The following CSMD1 variants were observed in gnomAD, a reference collection of about 807,000 sequenced individuals.
The protein encoded by CSMD1 is CUB and Sushi multiple domains 1, also known as CUB and sushi domain-containing protein 1.
In CSMD1, 213 loss-of-function variants were observed where a neutral mutation model predicts 417.5. That is an observed-to-expected ratio of 0.51 (90% CI 0.46 to 0.57). The LOEUF is 0.57. Ranked by LOEUF, CSMD1 falls within the 20% of genes least tolerant of loss-of-function variation. The pLI, the probability that CSMD1 is intolerant of heterozygous loss-of-function variation, is 0.00. For missense variants in CSMD1, 6,923 were observed against 4,529.7 expected (o/e 1.53, Z -15.17); for synonymous variants, 2,862 against 1,736.8 (o/e 1.65, Z -16.11).
At chr8:3,494,276 G>A (rs10103966) in intron 10 of CSMD1, among the ~76,000 whole-genome samples, 1 of 152,012 alleles carries the variant, frequency 6.6e-6, no homozygotes, top group Non-Finnish European at 1.5e-5. Flanking sequence ...GTCATGATGA[G>A]CAGCACCAAG....
At chr8:4,286,775 G>A (rs1344541087) in intron 3 of CSMD1, among the ~76,000 whole-genome samples, 2 of 152,078 alleles carry the variant, frequency 1.3e-5, no homozygotes, top group Non-Finnish European at 2.9e-5. Context: ...CTTTCCCATC[G>A]CCTGTTTGGC....
intron 2 of CSMD1, among the ~76,000 whole-genome samples, chr8:4,565,741 AATATATACATATATATATATATAT>A (rs1798568073): frequency 8.9e-6 from 1 of 112,480 alleles, no homozygotes; most frequent in African/African-American, 3.6e-5. Context: ...CCTTAAAAAA[AATATATACATATATATATATATAT>A]ATATATATAT....
intron 26 of CSMD1, among the ~76,000 whole-genome samples, chr8:3,277,326 G>A (rs560168993): frequency 1.4e-3 from 213 of 152,292 alleles, no homozygotes; most frequent in African/African-American, 4.7e-3. Context: ...CTGCGGAAAA[G>A]GTTCACCTGG....
At chr8:4,027,575 G>T (rs139059246) in intron 4 of CSMD1, among the ~76,000 whole-genome samples, 10 of 152,174 alleles carry the variant, frequency 6.6e-5, no homozygotes, top group East Asian at 1.9e-4. Context: ...TAACTGCATG[G>T]TTCCTGAGGC....
intron 2 of CSMD1, among the ~76,000 whole-genome samples, chr8:4,505,808 T>A (rs530120762): frequency 2.1e-4 from 30 of 146,006 alleles, no homozygotes; most frequent in East Asian, 6.1e-4. Context: ...TGTTCAATAT[T>A]TTTTTTTTTT....
At chr8:3,434,666 T>G (rs1280728819) in intron 12 of CSMD1, among the ~76,000 whole-genome samples, 1 of 152,178 alleles carries the variant, frequency 6.6e-6, no homozygotes, top group Non-Finnish European at 1.5e-5. Flanking sequence ...TCTCTCCACC[T>G]TTTCTCCATA....
At chr8:3,448,103 G>C in intron 12 of CSMD1, among the ~76,000 whole-genome samples, 1 of 151,414 alleles carries the variant, frequency 6.6e-6, no homozygotes, top group Non-Finnish European at 1.5e-5. Flanking sequence ...AGATAGAAGG[G>C]TAAGAGAATA....
At chr8:4,245,283 G>A (rs778707360) in intron 3 of CSMD1, among the ~76,000 whole-genome samples, 40 of 152,160 alleles carry the variant, frequency 2.6e-4, no homozygotes, top group Non-Finnish European at 5.0e-4. Context: ...CTCTACATAT[G>A]TTAACACAAC....
chr8:4,247,222 G>C (rs1040002559), intron 3 of CSMD1, among the ~76,000 whole-genome samples: 2 of 152,134 alleles, frequency 1.3e-5, no homozygotes, highest in East Asian at 1.9e-4. Context: ...TCCTGGAACA[G>C]CGAGAAAGGG....
chr8:4,987,122 C>G (rs912416320), intron 1 of CSMD1, among the ~76,000 whole-genome samples: 1 of 152,138 alleles, frequency 6.6e-6, no homozygotes, highest in Non-Finnish European at 1.5e-5. Flanking sequence ...AGTGAGATTA[C>G]GTGTATTCTC....
chr8:4,887,962 C>G (rs776674603), intron 1 of CSMD1, among the ~76,000 whole-genome samples: 6 of 151,984 alleles, frequency 3.9e-5, no homozygotes, highest in African/African-American at 9.7e-5. Context: ...ATGGTTAAAT[C>G]TCATTTTTAA....
At chr8:4,628,943 G>C (rs538476739) in intron 2 of CSMD1, among the ~76,000 whole-genome samples, 1 of 152,128 alleles carries the variant, frequency 6.6e-6, no homozygotes, top group African/African-American at 2.4e-5. Flanking sequence ...CTGATACTGT[G>C]TTTATTCTTA....
At chr8:3,426,822 G>C (rs1224395883) in intron 12 of CSMD1, among the ~76,000 whole-genome samples, 1 of 152,076 alleles carries the variant, frequency 6.6e-6, no homozygotes, top group Non-Finnish European at 1.5e-5. Context: ...CAAATCACTG[G>C]ATGTATTAGT....
chr8:4,433,212 T>A (rs771659051), intron 2 of CSMD1, among the ~76,000 whole-genome samples: 1 of 152,114 alleles, frequency 6.6e-6, no homozygotes, highest in Non-Finnish European at 1.5e-5. Flanking sequence ...TACAATATAA[T>A]AATATTACAA....
rs868513204 is a variant in CSMD1 at position 3,380,553 on chromosome 8, G to A, written c.2782+6941C>T. On this transcript the variant is annotated intron_variant, in intron 18 of 69. Coordinates refer to ENST00000635120, the MANE Select transcript of CSMD1 (RefSeq NM_033225.6). ...GCACATATACATCATGGAATACTAC[G>A]CAGCCATAAAAAAGGATGAGTTCAT... Among the ~76,000 whole-genome samples the A allele has an allele frequency of 6.4e-4, 98 of 152,266 alleles. 2 individuals are homozygous for A. The South Asian group carries it at 0.013, about 21-fold the overall frequency.
At chr8:3,702,701 G>A (rs1305928170) in intron 7 of CSMD1, among the ~76,000 whole-genome samples, 3 of 152,116 alleles carry the variant, frequency 2.0e-5, no homozygotes, top group Admixed American at 6.6e-5. Context: ...GCATCGTGGT[G>A]CATGCCTGTA....
chr8:3,976,126 T>C (rs1039168077), intron 5 of CSMD1, among the ~76,000 whole-genome samples: 1 of 152,076 alleles, frequency 6.6e-6, no homozygotes, highest in African/African-American at 2.4e-5. Flanking sequence ...ACATTACCTA[T>C]ATAGTAGAAA....
intron 3 of CSMD1, among the ~76,000 whole-genome samples, chr8:4,273,028 T>C (rs1804701104): frequency 6.6e-6 from 1 of 152,170 alleles, no homozygotes; most frequent in Non-Finnish European, 1.5e-5. Context: ...TTTCTAACTA[T>C]TATCATTTAA....
intron 1 of CSMD1, among the ~76,000 whole-genome samples, chr8:4,722,545 A>G (rs919433921): frequency 1.3e-5 from 2 of 152,088 alleles, no homozygotes; most frequent in African/African-American, 4.8e-5. Context: ...AATGGGGTAG[A>G]ACTTTCCAAA....
Sources: allele counts gnomAD v4.1 joint callset (sites outside exome capture counted in the v4.1 genomes callset), GRCh38; gene constraint gnomAD v4.1.1; transcripts MANE v1.5; gene names NCBI Gene and HGNC (gene_info 2026-07-23, HGNC 2026-07-21).